Variants in WDR4 observed in about 807,000 individuals in gnomAD.
WDR4 encodes tRNA (guanine-N(7)-)-methyltransferase non-catalytic subunit WDR4.
In WDR4, 47 loss-of-function variants were observed where a neutral mutation model predicts 48.6. That is an observed-to-expected ratio of 0.97 (90% CI 0.77 to 1.23). WDR4 has a LOEUF of 1.23. WDR4 is among the 50% of genes most tolerant of loss of function. The pLI is 0.00. For synonymous variants in WDR4, 268 were observed against 230.0 expected, an observed-to-expected ratio of 1.17 and a Z score of -1.49; for missense variants, 606 against 551.6, an observed-to-expected ratio of 1.10 and a Z score of -0.99.
In WDR4 at chr21:42,862,797, C is replaced by T. The variant is rs562109400; in HGVS notation, c.454-403G>A. On this transcript the variant is annotated intron_variant, in intron 4 of 10. Transcript: ENST00000398208. This position sits in a 1 kb window ranked among gnomAD's most constrained non-coding sequence, Gnocchi z 4.3. ...CACACATGTCCCCACACCCATCTGTCACCAAGTCCCAGTGAGGTTCCCTTT... is the reference window on the plus strand; with the variant it reads ...CACACATGTCCCCACACCCATCTGTTACCAAGTCCCAGTGAGGTTCCCTTT... 3.3e-5 allele frequency among the ~76,000 whole-genome samples: 5 copies of T among 152,338 alleles called. No individual in the cohort carries two copies. The highest frequency in any genetic ancestry group is 9.6e-5 in the African/African-American group (4 of 41,580).
intron 10 of WDR4, 89 bp from the exon 11 acceptor site, chr21:42,850,331 C>G: frequency 5.7e-6 from 7 of 1,225,758 alleles, no homozygotes; most frequent in Non-Finnish European, 7.9e-6. Context: ...AGGGAGTTAC[C>G]TCGTGACTCC....
downstream of WDR4, among the ~76,000 whole-genome samples, chr21:42,846,065 C>T (rs2057709237): frequency 6.6e-6 from 1 of 151,896 alleles, no homozygotes; most frequent in African/African-American, 2.4e-5. Context: ...CCAGGAGGCC[C>T]AGCGAGCCAA....
chr21:42,885,605 A>G, the WDR4 span, among the ~76,000 whole-genome samples: 1 of 99,668 alleles, frequency 1.0e-5, no homozygotes. Context: ...GCAAAACTCC[A>G]TCAAAAAAAA....
rs1452374627 is a variant in WDR4, at chr21:42,862,544, C to T, written c.454-150G>A. On this transcript the variant is annotated intron_variant, in intron 4 of 10. Transcript: ENST00000398208. This position sits in a 1 kb window ranked among gnomAD's most constrained non-coding sequence, Gnocchi z 4.3. ...ACCAGCGTGGCTCCTCCCCTCCTCC[C>T]GTCCCTACGTCTAATTGGTGGCCCT... 2.9e-5 allele frequency: 19 copies of T among 661,984 alleles called. No individual in the cohort carries two copies. The highest frequency in any genetic ancestry group is 1.4e-4 in the East Asian group (5 of 36,654). 41.0% of individuals were successfully genotyped at this position (661,984 alleles called of 1,614,324 possible).
chr21:42,866,075 A>T (rs1332237924), intron 3 of WDR4, among the ~76,000 whole-genome samples: 1 of 152,124 alleles, frequency 6.6e-6, no homozygotes, highest in African/African-American at 2.4e-5. Flanking sequence ...CGTGGCTCTC[A>T]CAGTTGTTTT....
At chr21:42,863,922 C>G (rs75318200) in intron 3 of WDR4, among the ~76,000 whole-genome samples, 7 of 81,924 alleles carry the variant, frequency 8.5e-5, no homozygotes, top group East Asian at 4.5e-4. Context: ...CTGGCTAACA[C>G]GGTGAAAACC....
At chr21:42,848,172 G>A (rs1037879612), downstream of WDR4, among the ~76,000 whole-genome samples, 6 of 152,170 alleles carry the variant, frequency 3.9e-5, no homozygotes, top group African/African-American at 1.4e-4. Context: ...CATAGTCATC[G>A]CCAGCATGAA....
upstream of WDR4, among the ~76,000 whole-genome samples, chr21:42,883,314 CTT>C (rs11340340): frequency 0.11 from 13,194 of 119,374 alleles, 883 homozygotes; most frequent in Non-Finnish European, 0.15. Context: ...AGAAGTTACC[CTT>C]TTTTTTTTTT....
At chr21:42,873,522 C>A (rs371011217) in intron 3 of WDR4, 29 bp downstream of exon 3, 13 of 1,612,790 alleles carry the variant, frequency 8.1e-6, no homozygotes, top group Admixed American at 3.3e-5. Context: ...CATTCGACAT[C>A]TTAAGAATCC....
chr21:42,884,964 C>T, the WDR4 span, among the ~76,000 whole-genome samples: 13 of 152,026 alleles, frequency 8.6e-5, no homozygotes, highest in African/African-American at 2.9e-4. Context: ...TTGATAGAGA[C>T]GGGGTTTCAC....
upstream of WDR4, among the ~76,000 whole-genome samples, chr21:42,882,955 C>T (rs1356100385): frequency 1.3e-5 from 2 of 152,124 alleles, no homozygotes; most frequent in South Asian, 2.1e-4. Context: ...AAAAATTAGC[C>T]GGGCATGGTG....
chr21:42,858,626 G>A (rs1204206446), intron 6 of WDR4, among the ~76,000 whole-genome samples: 1 of 152,212 alleles, frequency 6.6e-6, no homozygotes, highest in Non-Finnish European at 1.5e-5. Context: ...GATGGGGCCT[G>A]GGGAGGCTTC....
At chr21:42,881,106 C>T (rs1426361170), upstream of WDR4, among the ~76,000 whole-genome samples, 4 of 152,182 alleles carry the variant, frequency 2.6e-5, no homozygotes, top group Non-Finnish European at 5.9e-5. Flanking sequence ...CGGGGTTTCA[C>T]CATGTTAGCC....
Position 42,873,556 on chromosome 21 carries a change from A to C in WDR4, c.291T>G (p.Ser97Arg). The change falls in exon 3 of 11, where the codon AGT becomes AGG. Residue 97 changes from serine (S) to arginine (R), a missense_variant. Coordinates refer to ENST00000398208, the MANE Select transcript of WDR4 (RefSeq NM_018669.6). The part of the protein sequence containing the change: ...LFRTKPWQCL[S>R]VRTVARRCTA... ...CCAGCGTTAGCATCTCATACCTGAC[A>C]CTCAGACATTGCCATGGTTTTGTAC... 1 of 1,614,060 alleles carries C rather than the reference A, an allele frequency of 6.2e-7. No individual in the cohort carries two copies. The highest frequency in any genetic ancestry group is 8.5e-7 in the Non-Finnish European group (1 of 1,179,984).
At chr21:42,876,671 C>T (rs1216743332) in intron 2 of WDR4, 31 bp downstream of exon 2, 1 of 1,603,458 alleles carries the variant, frequency 6.2e-7, no homozygotes, top group Non-Finnish European at 8.5e-7. Context: ...ACCATTAAAG[C>T]AGGCCCTGAA....
At position 42,853,771 on chromosome 21, in the gene WDR4, A is replaced by G; in HGVS notation, c.792-19T>C. On this transcript the variant is annotated intron_variant, in intron 8 of 10. Coordinates refer to ENST00000398208, the MANE Select transcript of WDR4 (RefSeq NM_018669.6). ...AGGAGTGCTTGCCACGAAGAAAGAGAGCATGATTACTAGGACTGCAGGCCC... is the reference window on the plus strand; with the variant it reads ...AGGAGTGCTTGCCACGAAGAAAGAGGGCATGATTACTAGGACTGCAGGCCC... 1.9e-6 allele frequency: 3 copies of G among 1,544,862 alleles called. No homozygotes were observed. The highest frequency in any genetic ancestry group is 2.4e-5 in the South Asian group (2 of 84,064).
At position 42,862,904 on chromosome 21, in the gene WDR4, C is replaced by A. The variant is rs943201710; in HGVS notation, c.454-510G>T. ...CCACCACCCGGGCTGTGGGCCTGCGCCCTCTGGGGCTCCAGGTGTGTGTCT... is the reference window on the plus strand; with the variant it reads ...CCACCACCCGGGCTGTGGGCCTGCGACCTCTGGGGCTCCAGGTGTGTGTCT... On this transcript the variant is annotated intron_variant, in intron 4 of 10. Coordinates refer to ENST00000398208, the MANE Select transcript of WDR4 (RefSeq NM_018669.6). This position sits in a 1 kb window ranked among gnomAD's most constrained non-coding sequence, Gnocchi z 4.3. 1.3e-5 allele frequency among the ~76,000 whole-genome samples: 2 copies of A among 152,234 alleles called. No homozygotes were observed. The highest frequency in any genetic ancestry group is 2.9e-5 in the Non-Finnish European group (2 of 68,038).
the WDR4 span, among the ~76,000 whole-genome samples, chr21:42,888,312 AC>A: frequency 2.4e-3 from 366 of 152,288 alleles, 1 homozygote; most frequent in African/African-American, 8.4e-3. Context: ...TAATCTCAGC[AC>A]TTTGGGAGGC....
At chr21:42,866,080 T>C (rs2839590) in intron 3 of WDR4, among the ~76,000 whole-genome samples, 91,327 of 151,952 alleles carry the variant, frequency 0.6, 28,221 homozygotes, top group African/African-American at 0.71. Context: ...CTCTCACAGT[T>C]GTTTTCGGAA....
Sources: gnomAD v4.1 joint callset for allele counts (sites outside exome capture counted in the v4.1 genomes callset) on GRCh38, gnomAD v4.1.1 for gene constraint, Gnocchi (gnomAD v3.1) non-coding constraint, MANE v1.5 for transcripts, NCBI Gene and HGNC (gene_info 2026-07-23, HGNC 2026-07-21) for gene names.